CNOT6L: variants seen among roughly 807,000 people sequenced by gnomAD.
The protein encoded by CNOT6L is CCR4-NOT transcription complex subunit 6 like.
CNOT6L carries 7 observed loss-of-function variants against 64.0 expected under a neutral mutation model. The observed-to-expected ratio is 0.11, with a 90% CI of 0.06 to 0.21. The LOEUF (loss-of-function observed/expected upper bound fraction) is 0.21. Ranked by LOEUF, CNOT6L falls within the 10% of genes least tolerant of loss-of-function variation. The pLI is 1.00. For synonymous variants in CNOT6L, 193 were observed against 243.4 expected (o/e 0.79, Z 1.93); for missense variants, 245 against 669.0 (o/e 0.37, Z 6.99).
At chr4:77,790,704 C>T (rs1730030637) in intron 1 of CNOT6L, among the ~76,000 whole-genome samples, 2 of 150,608 alleles carry the variant, frequency 1.3e-5, no homozygotes, top group Admixed American at 6.6e-5. Flanking sequence ...ACTTTCCCCA[C>T]TTTTTTTTTA....
At chr4:77,789,626 C>T (rs931579187) in intron 1 of CNOT6L, among the ~76,000 whole-genome samples, 2 of 151,336 alleles carry the variant, frequency 1.3e-5, no homozygotes, top group Non-Finnish European at 2.9e-5. Flanking sequence ...TGCCACTGCA[C>T]TCCAGCCTGG....
intron 5 of CNOT6L, among the ~76,000 whole-genome samples, chr4:77,755,971 TTTTG>T (rs1044617975): frequency 4.0e-5 from 6 of 151,892 alleles, no homozygotes; most frequent in Non-Finnish European, 7.4e-5. Context: ...AGTCTTCTTT[TTTTG>T]TTTTTGTTTT....
At chr4:77,729,233 A>G (rs1404867909) in intron 9 of CNOT6L, among the ~76,000 whole-genome samples, 152 bp from the exon 10 acceptor site, 1 of 152,218 alleles carries the variant, frequency 6.6e-6, no homozygotes, top group Non-Finnish European at 1.5e-5. Context: ...AGTAATTCTT[A>G]GAAGCTAAAG....
chr4:77,726,063 A>G, intron 11 of CNOT6L, 104 bp downstream of exon 11: 1 of 1,072,682 alleles, frequency 9.3e-7, no homozygotes. Context: ...AAGAATCTAA[A>G]AATTCCTGAA....
rs562303709 is a variant in CNOT6L, at chr4:77,719,812, T to A, written c.*619A>T. 4.8e-4 allele frequency: 73 copies of A among 152,768 alleles called. No individual in the cohort carries two copies. Among genetic ancestry groups the A allele is most frequent in the African/African-American group, 1.7e-3 (69 of 41,588 alleles). 9.5% of individuals were successfully genotyped at this position (152,768 alleles called of 1,614,324 possible). On this transcript the variant is annotated 3_prime_UTR_variant, in exon 12 of 12. Transcript: ENST00000504123. ...CCAGCATTTGGCCAACAAATTGTCA[T>A]GTGGTGTTACATGCTGGATTATAAA...
Position 77,809,891 on chromosome 4 carries a change from T to C in CNOT6L, c.5+9413A>G, listed in dbSNP as rs550051724. Among the ~76,000 whole-genome samples, 3 of 152,262 alleles carry C rather than the reference T, an allele frequency of 2.0e-5. No individual in the cohort carries two copies. In the South Asian group the frequency reaches 6.2e-4, roughly 32 times the overall value. ...AAAGTGTTTTAATCTCTATTTTGTG[T>C]CACCAATTTCAATTGTTAATAAATG... On this transcript the variant is annotated intron_variant, in intron 1 of 11. Transcript: ENST00000504123.
rs138640563 is a variant in CNOT6L at position 77,736,051 on chromosome 4, A to G, written c.873-4513T>C. Reference sequence around the variant, plus strand: ...ATACTTTTGACTTTTAAAACTTCTCAATCTTTTAAAGGTACCTTCTTTTTA... The same window carrying G: ...ATACTTTTGACTTTTAAAACTTCTCGATCTTTTAAAGGTACCTTCTTTTTA... On this transcript the variant is annotated intron_variant, in intron 8 of 11. Transcript: ENST00000504123. Among the ~76,000 whole-genome samples, 152 of 152,246 alleles carry G rather than the reference A, an allele frequency of 1.0e-3. 1 individual carries two copies. Among genetic ancestry groups the G allele is most frequent in the African/African-American group, 3.2e-3 (131 of 41,550 alleles).
chr4:77,808,801 G>A (rs1247214805), intron 1 of CNOT6L, among the ~76,000 whole-genome samples: 7 of 151,906 alleles, frequency 4.6e-5, no homozygotes, highest in Non-Finnish European at 7.4e-5. Flanking sequence ...TATGTACTCT[G>A]TATGTCATAG....
chr4:77,766,449 T>C (rs753404756), intron 4 of CNOT6L, among the ~76,000 whole-genome samples: 1 of 151,848 alleles, frequency 6.6e-6, no homozygotes, highest in Non-Finnish European at 1.5e-5. Flanking sequence ...ACAACAGAAG[T>C]ACGCCCAGTA....
At chr4:77,819,038 G>A (rs1221711365) in intron 1 of CNOT6L, 1 of 563,630 alleles carries the variant, frequency 1.8e-6, no homozygotes, top group African/African-American at 3.5e-5. Flanking sequence ...TCCCGGCCCC[G>A]GGCCACCCCC....
chr4:77,742,855 T>G (rs1211574779), intron 7 of CNOT6L, among the ~76,000 whole-genome samples: 1 of 152,142 alleles, frequency 6.6e-6, no homozygotes, highest in Non-Finnish European at 1.5e-5. Flanking sequence ...ATTCTTTGAC[T>G]CATAAAATAT....
At chr4:77,787,779 C>T (rs1729623261) in intron 1 of CNOT6L, among the ~76,000 whole-genome samples, 1 of 152,194 alleles carries the variant, frequency 6.6e-6, no homozygotes, top group Admixed American at 6.5e-5. Flanking sequence ...AAGTTATTTA[C>T]CTAACTTTAT....
Position 77,714,075 on chromosome 4 carries a change from A to G in CNOT6L, c.*6356T>C, listed in dbSNP as rs982636622. The G allele has an allele frequency of 1.3e-5, 2 of 152,630 alleles. No homozygotes were observed. The highest frequency in any genetic ancestry group is 2.1e-4 in the South Asian group (1 of 4,824). 9.5% of individuals were successfully genotyped at this position (152,630 alleles called of 1,614,324 possible). A position where few individuals can be genotyped will look rare whatever the true frequency, so the allele number is the denominator to read the frequency against. Reference sequence around the variant, plus strand: ...CAGAATTTGTTTTGGAATAGTATCAATGGAAACTACCAAGTATTCAGGGAA... The same window carrying G: ...CAGAATTTGTTTTGGAATAGTATCAGTGGAAACTACCAAGTATTCAGGGAA... On this transcript the variant is annotated 3_prime_UTR_variant, in exon 12 of 12. Transcript: ENST00000504123.
chr4:77,761,147 T>C (rs1726181478), intron 4 of CNOT6L, among the ~76,000 whole-genome samples: 1 of 151,768 alleles, frequency 6.6e-6, no homozygotes, highest in South Asian at 2.1e-4. Context: ...TCAGCAAAAA[T>C]GGCAGAGTAA....
chr4:77,776,669 T>G (rs1212209855), intron 1 of CNOT6L, among the ~76,000 whole-genome samples: 1 of 152,212 alleles, frequency 6.6e-6, no homozygotes, highest in Non-Finnish European at 1.5e-5. Flanking sequence ...ACTCCTTCCC[T>G]TCATTTAGCT....
chr4:77,721,942 G>A (rs1721323791), intron 11 of CNOT6L, among the ~76,000 whole-genome samples: 1 of 151,114 alleles, frequency 6.6e-6, no homozygotes, highest in Admixed American at 6.6e-5. Flanking sequence ...TTCCAGCCTG[G>A]CTGACAGCAA....
intron 1 of CNOT6L, among the ~76,000 whole-genome samples, chr4:77,779,068 AAAAAACAC>A (rs1728528292): frequency 3.5e-4 from 37 of 105,272 alleles, no homozygotes; most frequent in South Asian, 8.7e-4. Context: ...AAAAACAAAA[AAAAAACAC>A]AAAAAACACA....
chr4:77,792,261 C>A (rs986802355), intron 1 of CNOT6L, among the ~76,000 whole-genome samples: 1 of 151,956 alleles, frequency 6.6e-6, no homozygotes, highest in Non-Finnish European at 1.5e-5. Flanking sequence ...CGATAACCTC[C>A]CTAGGTGCCT....
rs1413753194 is a variant in CNOT6L at position 77,718,657 on chromosome 4, T to A, written c.*1774A>T. On this transcript the variant is annotated 3_prime_UTR_variant, in exon 12 of 12. Transcript: ENST00000504123. ...AGAACCCTTCTGATGCAATCCCATG[T>A]ATGATATGACATCATCCCACCACCC... is the stretch of plus-strand genomic sequence containing the variant. The A allele has an allele frequency of 6.6e-5, 10 of 152,586 alleles. No individual in the cohort carries two copies. The highest frequency in any genetic ancestry group is 5.9e-4 in the Admixed American group (9 of 15,246). 9.5% of individuals were successfully genotyped at this position (152,586 alleles called of 1,614,324 possible).
Sources: allele counts gnomAD v4.1 joint callset (sites outside exome capture counted in the v4.1 genomes callset), GRCh38; gene constraint gnomAD v4.1.1; transcripts MANE v1.5; gene names NCBI Gene and HGNC (gene_info 2026-07-23, HGNC 2026-07-21).